SLC7A9: variants seen among roughly 807,000 people sequenced by gnomAD.
The protein encoded by SLC7A9 is B(0,+)-type amino acid transporter 1.
SLC7A9 carries 38 observed loss-of-function variants against 54.1 expected under a neutral mutation model. The ratio of observed to expected loss-of-function variants is 0.70; its 90% confidence interval spans 0.54 to 0.92. SLC7A9 has a LOEUF of 0.92. Ranked by LOEUF, SLC7A9 falls within the 40% of genes least tolerant of loss-of-function variation. The probability of loss-of-function intolerance (pLI) is 0.00; values close to 1 mark genes in which losing one functional copy is unlikely to be tolerated. For missense variants in SLC7A9, 537 were observed against 636.1 expected, an observed-to-expected ratio of 0.84 and a Z score of 1.68; for synonymous variants, 264 against 258.9, an observed-to-expected ratio of 1.02 and a Z score of -0.19.
At chr19:32,838,504 GC>G (rs1403525101) in intron 11 of SLC7A9, among the ~76,000 whole-genome samples, 1 of 146,162 alleles carries the variant, frequency 6.8e-6, no homozygotes, top group African/African-American at 2.5e-5. Context: ...TATATAATAG[GC>G]ATAATATACA....
intron 4 of SLC7A9, 26 bp downstream of exon 4, chr19:32,864,069 AC>A (rs1568531471): frequency 2.5e-6 from 4 of 1,613,362 alleles, no homozygotes; most frequent in East Asian, 2.2e-5. Context: ...GTCTTTTCTG[AC>A]CCCTGCCCTG....
intron 9 of SLC7A9, among the ~76,000 whole-genome samples, chr19:32,856,306 T>C (rs1968626697): frequency 6.6e-6 from 1 of 150,544 alleles, no homozygotes. Context: ...GCCATTCTCC[T>C]TCCTCAGCCT....
At chr19:32,831,508 C>A (rs10417797) in intron 12 of SLC7A9, among the ~76,000 whole-genome samples, 34,587 of 151,910 alleles carry the variant, frequency 0.23, 4,262 homozygotes, top group African/African-American at 0.32. Context: ...CCACGATGGT[C>A]TCGATCTCCT....
chr19:32,831,860 A>G (rs556624796), intron 12 of SLC7A9, among the ~76,000 whole-genome samples: 1 of 152,368 alleles, frequency 6.6e-6, no homozygotes, highest in South Asian at 2.1e-4. Context: ...TGCATATCAG[A>G]CAAAGGAGAA....
intron 11 of SLC7A9, among the ~76,000 whole-genome samples, 177 bp downstream of exon 11, chr19:32,841,991 G>C (rs1472371590): frequency 1.3e-5 from 2 of 152,176 alleles, no homozygotes; most frequent in African/African-American, 2.4e-5. Context: ...TGAATAACAA[G>C]GTGGCTAACT....
chr19:32,854,634 G>C (rs1040586614), intron 9 of SLC7A9, among the ~76,000 whole-genome samples: 2 of 152,138 alleles, frequency 1.3e-5, no homozygotes, highest in African/African-American at 4.8e-5. Flanking sequence ...TGTCGCCCAG[G>C]CTGGAGTGCA....
chr19:32,830,623 C>T lies in SLC7A9; in HGVS notation c.1461G>A (p.Glu487=). ...MEVVPPEEDP[E] is the part of the protein sequence containing the mutation. ...TGGCTACAAGAGACGGAGCTTGTTA[C>T]TCAGGGTCTTCCTCCGGTGGGACCA... Residue 487 remains glutamate (E), a synonymous_variant, in exon 13 of 13, where the codon GAG becomes GAA. Transcript: ENST00000023064. The T allele has an allele frequency of 3.7e-6, 6 of 1,613,018 alleles. No individual in the cohort carries two copies. Among genetic ancestry groups the T allele is most frequent in the Non-Finnish European group, 3.4e-6 (4 of 1,178,974 alleles).
At chr19:32,850,318 A>G (rs1356669027) in intron 9 of SLC7A9, among the ~76,000 whole-genome samples, 1 of 149,092 alleles carries the variant, frequency 6.7e-6, no homozygotes, top group African/African-American at 2.5e-5. Context: ...TAAGCTGATA[A>G]GCAACTTCAG....
chr19:32,867,332 ACT>A (rs1969000560), intron 2 of SLC7A9, among the ~76,000 whole-genome samples: 1 of 151,536 alleles, frequency 6.6e-6, no homozygotes, highest in Non-Finnish European at 1.5e-5. Flanking sequence ...CAAGATACTG[ACT>A]CTACAGAAAG....
chr19:32,852,828 G>A (rs1968507262), intron 9 of SLC7A9, among the ~76,000 whole-genome samples: 1 of 151,948 alleles, frequency 6.6e-6, no homozygotes, highest in Non-Finnish European at 1.5e-5. Context: ...AAGTGTATAG[G>A]GAATGCTAAA....
At chr19:32,854,317 A>AAGACTCAG (rs1968555606) in intron 9 of SLC7A9, among the ~76,000 whole-genome samples, 1 of 151,688 alleles carries the variant, frequency 6.6e-6, no homozygotes, top group Non-Finnish European at 1.5e-5. Context: ...CCCATGCTGG[A>AAGACTCAG]AGACTCAGTA....
intron 7 of SLC7A9, 24 bp downstream of exon 7, chr19:32,860,582 C>G (rs1228524520): frequency 6.2e-7 from 1 of 1,614,118 alleles, no homozygotes; most frequent in African/African-American, 1.3e-5. Context: ...CGGCTACTGT[C>G]CTCTGCACTG....
intron 7 of SLC7A9, 95 bp from the exon 8 acceptor site, chr19:32,860,059 G>C (rs534892263): frequency 5.6e-6 from 9 of 1,606,468 alleles, no homozygotes; most frequent in Non-Finnish European, 6.8e-6. Flanking sequence ...GAGAAGATTC[G>C]CAGGTAGCAG....
In SLC7A9 at chr19:32,868,464, G is replaced by T. The variant is rs775776799; in HGVS notation, c.71C>A (p.Thr24Asn). Residue 24 changes from threonine (T) to asparagine (N), a missense_variant, in exon 2 of 13, where the codon ACC (threonine) becomes AAC (asparagine). Coordinates refer to ENST00000023064, the MANE Select transcript of SLC7A9 (RefSeq NM_014270.5). Reference protein sequence around the residue: ...KSIQSQEPKTTSLQKELGLIS... With the variant: ...KSIQSQEPKTNSLQKELGLIS... ...CCGCCTTACCTCCTTTTGGAGACTGGTGGTCTTAGGCTCTTGGCTCTGGAT... is the reference window on the plus strand; with the variant it reads ...CCGCCTTACCTCCTTTTGGAGACTGTTGGTCTTAGGCTCTTGGCTCTGGAT... 2 of 1,613,976 alleles carry T rather than the reference G, an allele frequency of 1.2e-6. No individual in the cohort carries two copies.
intron 9 of SLC7A9, among the ~76,000 whole-genome samples, chr19:32,850,728 C>T (rs1599669739): frequency 1.3e-5 from 2 of 152,084 alleles, no homozygotes; most frequent in East Asian, 3.9e-4. Flanking sequence ...CAATCCTAAG[C>T]CAAAAGAACA....
intron 9 of SLC7A9, among the ~76,000 whole-genome samples, chr19:32,854,906 G>C (rs1968573789): frequency 6.6e-6 from 1 of 152,008 alleles, no homozygotes; most frequent in Non-Finnish European, 1.5e-5. Flanking sequence ...ATATTTGAAT[G>C]AATTGAAATC....
intron 1 of SLC7A9, among the ~76,000 whole-genome samples, chr19:32,869,038 T>C: frequency 7.0e-6 from 1 of 142,148 alleles, no homozygotes. Flanking sequence ...GCGAACCCCG[T>C]CTCTACTAAA....
At chr19:32,848,171 A>G (rs1335875227) in intron 9 of SLC7A9, among the ~76,000 whole-genome samples, 5 of 152,230 alleles carry the variant, frequency 3.3e-5, no homozygotes, top group East Asian at 1.9e-4. Flanking sequence ...GACAGGACCA[A>G]ATTCACACAT....
At chr19:32,855,176 C>G (rs879168567) in intron 9 of SLC7A9, among the ~76,000 whole-genome samples, 1 of 152,138 alleles carries the variant, frequency 6.6e-6, no homozygotes, top group Non-Finnish European at 1.5e-5. Flanking sequence ...GAACATTATG[C>G]TAAGTGAAAT....
Sources: gnomAD v4.1 joint callset for allele counts (sites outside exome capture counted in the v4.1 genomes callset) on GRCh38, gnomAD v4.1.1 for gene constraint, MANE v1.5 for transcripts, NCBI Gene and HGNC (gene_info 2026-07-23, HGNC 2026-07-21) for gene names.